Variants in COBL observed in about 807,000 individuals in gnomAD.
COBL encodes protein cordon-bleu.
A neutral mutation model predicts 98.8 loss-of-function variants in COBL; 51 were observed. The observed-to-expected ratio is 0.52, with a 90% CI of 0.41 to 0.65. The LOEUF (loss-of-function observed/expected upper bound fraction) is 0.65. COBL is among the 30% of genes least tolerant of loss of function. The pLI is 0.00. For synonymous variants in COBL, 634 were observed against 651.7 expected, an observed-to-expected ratio of 0.97 and a Z score of 0.41; for missense variants, 1,617 against 1,617.5, an observed-to-expected ratio of 1.00 and a Z score of 0.01.
chr7:51,250,689 C>T (rs1378404428), intron 1 of COBL, among the ~76,000 whole-genome samples: 2 of 152,194 alleles, frequency 1.3e-5, no homozygotes, highest in African/African-American at 2.4e-5. Context: ...ACATTGGACC[C>T]ATATGGCTAA....
chr7:51,218,572 C>T (rs10253395), intron 2 of COBL, among the ~76,000 whole-genome samples: 9,353 of 152,264 alleles, frequency 0.061, 347 homozygotes, highest in Middle Eastern at 0.14. Flanking sequence ...CTCCTGGGTT[C>T]AAGCAATTAT....
chr7:51,036,186 A>G (rs563312026), intron 8 of COBL, among the ~76,000 whole-genome samples: 2 of 152,232 alleles, frequency 1.3e-5, no homozygotes, highest in East Asian at 3.9e-4. Flanking sequence ...TACTAAAAAT[A>G]CAAAAATTAG....
intron 1 of COBL, among the ~76,000 whole-genome samples, chr7:51,243,067 T>C (rs949051556): frequency 6.6e-6 from 1 of 152,198 alleles, no homozygotes; most frequent in African/African-American, 2.4e-5. Context: ...TAAACTCGCC[T>C]TGGTGGCACT....
intron 1 of COBL, among the ~76,000 whole-genome samples, chr7:51,313,613 C>G (rs1424476982): frequency 1.3e-5 from 2 of 152,116 alleles, no homozygotes; most frequent in Non-Finnish European, 2.9e-5. Flanking sequence ...TTACTGTATT[C>G]TACAGAAACA....
intron 6 of COBL, among the ~76,000 whole-genome samples, chr7:51,100,211 T>C (rs1375024815): frequency 6.6e-6 from 1 of 152,206 alleles, no homozygotes; most frequent in Non-Finnish European, 1.5e-5. Flanking sequence ...CTAGTCTCTA[T>C]TTCTCATTCT....
intron 5 of COBL, among the ~76,000 whole-genome samples, chr7:51,165,808 G>A (rs928618174): frequency 2.0e-5 from 3 of 151,924 alleles, no homozygotes; most frequent in Non-Finnish European, 2.9e-5. Context: ...TCAGTAATAA[G>A]AGGAATTTTG....
intron 4 of COBL, among the ~76,000 whole-genome samples, chr7:51,187,266 A>T (rs1181616676): frequency 1.3e-5 from 2 of 151,156 alleles, no homozygotes; most frequent in Non-Finnish European, 2.9e-5. Context: ...GCAAATGTAC[A>T]ATGGGCATTC....
chr7:51,190,924 C>T lies in COBL; in HGVS notation c.611G>A (p.Gly204Glu). 1.2e-6 allele frequency: 2 copies of T among 1,614,170 alleles called. No individual in the cohort carries two copies. Among genetic ancestry groups the T allele is most frequent in the Non-Finnish European group, 1.7e-6 (2 of 1,180,034 alleles). ...HVVLLRDNIA[G>E]EELELSKSLN... is the part of the protein sequence containing the mutation. ...GGACTTGGACAGCTCCAGCTCCTCTCCGGCAATGTTGTCCCTGAGGAGAAC... is the reference window on the plus strand; with the variant it reads ...GGACTTGGACAGCTCCAGCTCCTCTTCGGCAATGTTGTCCCTGAGGAGAAC... The change falls in exon 4 of 13, where the codon GGA becomes GAA. Residue 204 changes from glycine (G) to glutamate (E), a missense_variant. By Grantham distance (98) the Gly-to-Glu change is moderately conservative (BLOSUM62 -2). Around this residue, in one of 3 missense-constraint regions of COBL, gnomAD observed 75 missense variants for 120.5 expected, o/e 0.62. Coordinates refer to ENST00000265136, the MANE Select transcript of COBL (RefSeq NM_015198.5).
intron 1 of COBL, among the ~76,000 whole-genome samples, chr7:51,282,412 C>G (rs1033519722): frequency 1.3e-5 from 2 of 151,932 alleles, no homozygotes; most frequent in African/African-American, 4.8e-5. Flanking sequence ...CAAAAGAAAG[C>G]TGGGATGGTT....
chr7:51,163,555 C>T (rs2129036843), intron 5 of COBL, among the ~76,000 whole-genome samples: 1 of 152,328 alleles, frequency 6.6e-6, no homozygotes, highest in East Asian at 1.9e-4. Flanking sequence ...TAATCTATCA[C>T]ATTGAAGCCT....
intron 1 of COBL, among the ~76,000 whole-genome samples, chr7:51,264,538 G>A (rs1004636245): frequency 2.0e-4 from 30 of 151,698 alleles, no homozygotes; most frequent in Admixed American, 2.0e-3. Context: ...GGTCTTGGTG[G>A]TGCACACCTG....
rs1037244320 is a variant in COBL at position 51,294,364 on chromosome 7, A to G, written c.41+22229T>C. ...TAAATAAATAAAAGGCAGGGCGCAG[A>G]GCTCATGCCTGTAATCCCAGTACTT... On this transcript the variant is annotated intron_variant, in intron 1 of 12. Transcript: ENST00000265136. Among the ~76,000 whole-genome samples the G allele has an allele frequency of 2.7e-5, 4 of 150,720 alleles. No homozygotes were observed. In the East Asian group the frequency reaches 7.9e-4, roughly 30 times the overall value.
rs189305677 is a variant in COBL, at chr7:51,268,321, G to A, written c.41+48272C>T. Among the ~76,000 whole-genome samples the A allele has an allele frequency of 1.2e-3, 178 of 152,260 alleles. 1 individual carries two copies. The Middle Eastern group carries it at 0.017, about 15-fold the overall frequency. On this transcript the variant is annotated intron_variant, in intron 1 of 12. Transcript: ENST00000265136. ...TGCAATCAATGCACCCTGCACCATG[G>A]TAACCCTCCACTGTGGGAAAAATCA...
At chr7:51,067,489 G>A (rs543507270) in intron 7 of COBL, among the ~76,000 whole-genome samples, 27 of 152,198 alleles carry the variant, frequency 1.8e-4, no homozygotes, top group Non-Finnish European at 3.1e-4. Context: ...ACATGTACAT[G>A]AGTCTAGATA....
At chr7:51,065,322 GA>G (rs1791805628) in intron 7 of COBL, 1 of 703,436 alleles carries the variant, frequency 1.4e-6, no homozygotes, top group South Asian at 1.5e-5. Flanking sequence ...AGGAACACTT[GA>G]TTTCAGGATT....
At chr7:51,070,424 C>CACACACACACAA in intron 7 of COBL, among the ~76,000 whole-genome samples, 1 of 151,668 alleles carries the variant, frequency 6.6e-6, no homozygotes, top group South Asian at 2.1e-4. Context: ...CACACACACA[C>CACACACACACAA]AAAATTCCGA....
chr7:51,063,228 G>A (rs1043774447), intron 7 of COBL, among the ~76,000 whole-genome samples: 3 of 151,672 alleles, frequency 2.0e-5, no homozygotes, highest in South Asian at 2.1e-4. Flanking sequence ...TCCACCTCCC[G>A]GGTTCAAGCA....
chr7:51,265,421 A>G (rs1798110581), intron 1 of COBL, among the ~76,000 whole-genome samples: 1 of 152,236 alleles, frequency 6.6e-6, no homozygotes, highest in Non-Finnish European at 1.5e-5. Flanking sequence ...GGCTTAGGGC[A>G]GAAGGCTCCC....
chr7:51,263,931 T>C (rs1484603779), intron 1 of COBL, among the ~76,000 whole-genome samples: 2 of 152,212 alleles, frequency 1.3e-5, no homozygotes, highest in Non-Finnish European at 2.9e-5. Flanking sequence ...AACCATGAGT[T>C]TGGCACTGTG....
Sources: gnomAD v4.1 joint callset for allele counts (sites outside exome capture counted in the v4.1 genomes callset) on GRCh38, gnomAD v4.1.1 for gene constraint, gnomAD v4.1.1 regional missense constraint, MANE v1.5 for transcripts, NCBI Gene and HGNC (gene_info 2026-07-23, HGNC 2026-07-21) for gene names.